Variants in LCOR observed in about 807,000 individuals in gnomAD.
The protein encoded by LCOR is ligand-dependent corepressor.
Under a neutral mutation model 64.4 loss-of-function variants are expected in LCOR, and 14 were observed. The ratio of observed to expected loss-of-function variants is 0.22; its 90% CI spans 0.14 to 0.34. The LOEUF is 0.34. Ranked by LOEUF, LCOR falls within the 10% of genes least tolerant of loss-of-function variation. The pLI is 1.00. For synonymous variants in LCOR, 643 were observed against 642.5 expected, an observed-to-expected ratio of 1.00 and a Z score of -0.01; for missense variants, 1,686 against 1,765.3, an observed-to-expected ratio of 0.96 and a Z score of 0.80.
intron 7 of LCOR, among the ~76,000 whole-genome samples, chr10:96,972,599 A>G (rs1249293022): frequency 6.6e-6 from 1 of 152,204 alleles, no homozygotes; most frequent in African/African-American, 2.4e-5. Flanking sequence ...CTTGATAGTT[A>G]TATTTTTTAT....
At chr10:96,883,015 A>G (rs1846287902) in intron 2 of LCOR, among the ~76,000 whole-genome samples, 1 of 152,158 alleles carries the variant, frequency 6.6e-6, no homozygotes, top group Non-Finnish European at 1.5e-5. Context: ...TAAAGCCACT[A>G]TAAAATTTGT....
intron 4 of LCOR, among the ~76,000 whole-genome samples, chr10:96,925,639 CT>C (rs1847155876): frequency 6.6e-6 from 1 of 151,876 alleles, no homozygotes; most frequent in South Asian, 2.1e-4. Flanking sequence ...GTGATGTTAA[CT>C]TTGATCACTT....
chr10:96,892,133 C>T (rs1374181449), intron 2 of LCOR, among the ~76,000 whole-genome samples: 1 of 151,978 alleles, frequency 6.6e-6, no homozygotes, highest in Non-Finnish European at 1.5e-5. Flanking sequence ...TTGTTTAAGT[C>T]TTCTTTTTCC....
At chr10:96,932,466 ATTTATTTTT>A (rs1357812017) in intron 4 of LCOR, among the ~76,000 whole-genome samples, 2 of 150,454 alleles carry the variant, frequency 1.3e-5, no homozygotes, top group African/African-American at 5.0e-5. Flanking sequence ...ATTTTATTTT[ATTTATTTTT>A]ATTTTTTGAG....
At chr10:96,883,374 GTAAT>G (rs1846294288) in intron 2 of LCOR, among the ~76,000 whole-genome samples, 1 of 152,110 alleles carries the variant, frequency 6.6e-6, no homozygotes, top group Non-Finnish European at 1.5e-5. Flanking sequence ...TTTTATTTGA[GTAAT>G]TACCAAGAAG....
chr10:96,973,358 T>C lies in LCOR; in HGVS notation c.333-7435T>C, dbSNP rs192505604. On this transcript the variant is annotated intron_variant, in intron 7 of 7. Coordinates refer to ENST00000421806, the MANE Select transcript of LCOR (RefSeq NM_001346516.2). ...CACCCCATGCCAACCTTCTCCATTA[T>C]GTCTACACAACTTTGTCATAACCTT... is the stretch of plus-strand genomic sequence containing the variant. Among the ~76,000 whole-genome samples the C allele has an allele frequency of 4.6e-5, 7 of 152,328 alleles. No individual in the cohort carries two copies. The East Asian group carries it at 7.7e-4, about 17-fold the overall frequency.
intron 2 of LCOR, among the ~76,000 whole-genome samples, chr10:96,900,909 G>T (rs1846624042): frequency 6.7e-6 from 1 of 150,288 alleles, no homozygotes. Flanking sequence ...GATGGGGTCG[G>T]CCGGGCGCAG....
chr10:96,977,144 TG>T (rs1848046308), intron 7 of LCOR, among the ~76,000 whole-genome samples: 1 of 152,228 alleles, frequency 6.6e-6, no homozygotes, highest in African/African-American at 2.4e-5. Context: ...ACAGAAGTTG[TG>T]GTTAGAAAAT....
intron 7 of LCOR, chr10:96,963,993 T>G (rs1564641328): frequency 6.6e-6 from 1 of 152,216 alleles, no homozygotes; most frequent in Non-Finnish European, 1.5e-5. Context: ...AATTGTATAA[T>G]TTAATATTTC....
At chr10:96,949,331 A>G (rs1233665512) in intron 6 of LCOR, 36 bp downstream of exon 6, 1 of 1,585,544 alleles carries the variant, frequency 6.3e-7, no homozygotes, top group Non-Finnish European at 8.6e-7. Flanking sequence ...CTATCTTATC[A>G]GAATACTTTA....
intron 7 of LCOR, among the ~76,000 whole-genome samples, chr10:96,979,671 T>C (rs935537795): frequency 1.3e-5 from 2 of 152,332 alleles, no homozygotes; most frequent in East Asian, 1.9e-4. Context: ...CTGTACAGTT[T>C]AGTGTGGCTT....
At chr10:96,925,766 T>C (rs916689817) in intron 4 of LCOR, among the ~76,000 whole-genome samples, 2 of 152,352 alleles carry the variant, frequency 1.3e-5, no homozygotes, top group African/African-American at 4.8e-5. Context: ...TATCAAACTT[T>C]GATCCATTTT....
At position 96,983,840 on chromosome 10, in the gene LCOR, A is replaced by G. The variant is rs150246348; in HGVS notation, c.3380A>G (p.Gln1127Arg). 66 of 1,614,052 alleles carry G rather than the reference A, an allele frequency of 4.1e-5. No homozygotes were observed. In the African/African-American group the frequency reaches 5.3e-4, roughly 13 times the overall value. ...QYMKVQKGWI[Q>R]LEKEGQPTPR... ...ATGAAAGTTCAGAAGGGCTGGATCC[A>G]GTTGGAGAAAGAAGGACAGCCAACA... is the stretch of plus-strand genomic sequence containing the variant. Residue 1127 changes from glutamine (Q) to arginine (R), a missense_variant, in exon 8 of 8, where the codon CAG becomes CGG. Gln to Arg is a conservative substitution (Grantham distance 43, BLOSUM62 1). Around this residue, in one of 3 missense-constraint regions of LCOR, gnomAD observed 1,293 missense variants for 1,410.4 expected, o/e 0.92. Coordinates refer to ENST00000421806, the MANE Select transcript of LCOR (RefSeq NM_001346516.2). The surrounding 1 kb of genome is among the most constrained non-coding windows in gnomAD (Gnocchi z 4.5).
chr10:96,929,252 G>T (rs1481987577), intron 4 of LCOR, among the ~76,000 whole-genome samples: 1 of 152,162 alleles, frequency 6.6e-6, no homozygotes, highest in African/African-American at 2.4e-5. Flanking sequence ...CCAGTATGAG[G>T]CCTTTTTGTC....
At chr10:96,957,923 A>ATT (rs1250207463) in intron 7 of LCOR, 12 of 986,420 alleles carry the variant, frequency 1.2e-5, no homozygotes, top group Non-Finnish European at 1.4e-5. Flanking sequence ...GTTCAATAGC[A>ATT]TTTTATGATT....
chr10:96,915,057 A>G (rs993982391), intron 4 of LCOR, among the ~76,000 whole-genome samples: 2 of 152,180 alleles, frequency 1.3e-5, no homozygotes, highest in Admixed American at 1.3e-4. Flanking sequence ...TATCAAAGTC[A>G]GGGAATCCCA....
intron 2 of LCOR, among the ~76,000 whole-genome samples, chr10:96,873,571 CGTGT>C (rs55893181): frequency 0.056 from 7,120 of 126,078 alleles, 243 homozygotes; most frequent in African/African-American, 0.095. Context: ...CACACACACA[CGTGT>C]GTGTGTGTGT....
chr10:96,944,852 C>G (rs1847559664), intron 5 of LCOR, among the ~76,000 whole-genome samples: 1 of 151,902 alleles, frequency 6.6e-6, no homozygotes, highest in Non-Finnish European at 1.5e-5. Flanking sequence ...TTTTACATTT[C>G]TTTCAAAATA....
intron 4 of LCOR, among the ~76,000 whole-genome samples, chr10:96,937,882 AGT>A (rs1463620016): frequency 6.6e-6 from 1 of 152,240 alleles, no homozygotes; most frequent in African/African-American, 2.4e-5. Flanking sequence ...ACATATAAAA[AGT>A]GTTATACACC....
Sources: gnomAD v4.1 joint callset for allele counts (sites outside exome capture counted in the v4.1 genomes callset) on GRCh38, gnomAD v4.1.1 for gene constraint, gnomAD v4.1.1 regional missense constraint, Gnocchi (gnomAD v3.1) non-coding constraint, MANE v1.5 for transcripts, NCBI Gene and HGNC (gene_info 2026-07-23, HGNC 2026-07-21) for gene names.